UBTD1: variants seen among roughly 807,000 people sequenced by gnomAD.
The protein encoded by UBTD1 is ubiquitin domain-containing protein 1.
Under a neutral mutation model 21.7 loss-of-function variants are expected in UBTD1, and 19 were observed. The ratio of observed to expected loss-of-function variants is 0.87; its 90% CI spans 0.61 to 1.28. UBTD1 has a LOEUF of 1.28. Ranked by LOEUF, UBTD1 falls within the 50% of genes most tolerant of loss-of-function variation. UBTD1 has a pLI of 0.00. For synonymous variants in UBTD1, 116 were observed against 135.1 expected (o/e 0.86, Z 0.98); for missense variants, 282 against 315.1 (o/e 0.89, Z 0.80).
intron 1 of UBTD1, among the ~76,000 whole-genome samples, chr10:97,529,412 C>A (rs2040514821): frequency 6.6e-6 from 1 of 152,332 alleles, no homozygotes; most frequent in Non-Finnish European, 1.5e-5. Context: ...CCAAGGCAGG[C>A]GGCTGGGAGG....
chr10:97,545,401 TGTGTGTGTGGGTGTGG>T (rs2040605489), intron 1 of UBTD1, among the ~76,000 whole-genome samples: 1 of 85,354 alleles, frequency 1.2e-5, no homozygotes, highest in African/African-American at 4.1e-5. Context: ...TGTGTGTGTG[TGTGTGTGTGGGTGTGG>T]GTGTGTGTGT....
intron 1 of UBTD1, among the ~76,000 whole-genome samples, chr10:97,554,717 A>T (rs1342541820): frequency 1.3e-5 from 2 of 151,670 alleles, no homozygotes; most frequent in African/African-American, 4.8e-5. Context: ...CACCTGGCTA[A>T]TTTTTTTTAT....
At chr10:97,548,830 T>C (rs2040623210) in intron 1 of UBTD1, among the ~76,000 whole-genome samples, 1 of 152,214 alleles carries the variant, frequency 6.6e-6, no homozygotes, top group Non-Finnish European at 1.5e-5. Context: ...TTGGGGGCTC[T>C]GTTTGTAATT....
At chr10:97,529,922 C>T (rs575915457) in intron 1 of UBTD1, among the ~76,000 whole-genome samples, 2 of 152,274 alleles carry the variant, frequency 1.3e-5, no homozygotes, top group East Asian at 1.9e-4. Flanking sequence ...CTCTGTCTGG[C>T]GAGCCCAGCC....
intron 1 of UBTD1, among the ~76,000 whole-genome samples, chr10:97,530,893 T>A (rs1233432824): frequency 6.6e-6 from 1 of 151,804 alleles, no homozygotes; most frequent in African/African-American, 2.4e-5. Flanking sequence ...ATTTTTAAAT[T>A]TTTTACTTTT....
At chr10:97,519,336 G>A (rs1333919108) in intron 1 of UBTD1, among the ~76,000 whole-genome samples, 5 of 152,122 alleles carry the variant, frequency 3.3e-5, no homozygotes, top group Non-Finnish European at 5.9e-5. Context: ...AGAACTTCAC[G>A]ACATTATCCT....
intron 1 of UBTD1, among the ~76,000 whole-genome samples, chr10:97,554,339 T>G (rs1191375305): frequency 6.7e-6 from 1 of 148,960 alleles, no homozygotes; most frequent in African/African-American, 2.5e-5. Flanking sequence ...CCTCCGTCTC[T>G]GGGGTTCAAG....
intron 1 of UBTD1, among the ~76,000 whole-genome samples, chr10:97,559,015 G>A (rs556820768): frequency 2.6e-5 from 4 of 152,320 alleles, no homozygotes; most frequent in South Asian, 2.1e-4. Context: ...TCCGCTCGGG[G>A]ATGAACAAGG....
At chr10:97,566,295 T>G (rs2135689464) in intron 1 of UBTD1, among the ~76,000 whole-genome samples, 1 of 151,532 alleles carries the variant, frequency 6.6e-6, no homozygotes, top group Non-Finnish European at 1.5e-5. Context: ...TTAAAACTAT[T>G]ACCTTATTTA....
At chr10:97,566,364 C>A (rs1198321131) in intron 1 of UBTD1, among the ~76,000 whole-genome samples, 1 of 151,744 alleles carries the variant, frequency 6.6e-6, no homozygotes, top group African/African-American at 2.4e-5. Flanking sequence ...TTGTTTTCCT[C>A]CAAAGAGGGT....
intron 1 of UBTD1, among the ~76,000 whole-genome samples, chr10:97,528,119 C>CG (rs1464228062): frequency 8.2e-6 from 1 of 121,690 alleles, no homozygotes; most frequent in East Asian, 2.8e-4. Context: ...GCTGGCCGGG[C>CG]GGGGGGCTGA....
intron 1 of UBTD1, among the ~76,000 whole-genome samples, chr10:97,529,710 G>A (rs891165114): frequency 6.6e-6 from 1 of 152,036 alleles, no homozygotes; most frequent in Non-Finnish European, 1.5e-5. Context: ...GTCCAGCTTC[G>A]GCTCGGCATG....
At chr10:97,543,637 T>C (rs1033153015) in intron 1 of UBTD1, among the ~76,000 whole-genome samples, 2 of 152,178 alleles carry the variant, frequency 1.3e-5, no homozygotes, top group East Asian at 3.9e-4. Flanking sequence ...CAGGTCCTGA[T>C]GGAAATGGAC....
intron 1 of UBTD1, among the ~76,000 whole-genome samples, chr10:97,507,618 C>CA (rs904060424): frequency 2.0e-5 from 3 of 150,014 alleles, no homozygotes; most frequent in African/African-American, 4.9e-5. Context: ...ACTAAAAATA[C>CA]AAAAAAAATT....
At chr10:97,529,197 A>T (rs2040512698) in intron 1 of UBTD1, among the ~76,000 whole-genome samples, 2 of 149,860 alleles carry the variant, frequency 1.3e-5, no homozygotes, top group South Asian at 4.2e-4. Context: ...CTCACTTCCT[A>T]GATGGGATGG....
chr10:97,555,700 A>G (rs1316150820), intron 1 of UBTD1, among the ~76,000 whole-genome samples: 1 of 152,174 alleles, frequency 6.6e-6, no homozygotes, highest in East Asian at 1.9e-4. Context: ...AGAGAGAAAC[A>G]GAACAGGGCA....
chr10:97,498,995 G>A lies in UBTD1; in HGVS notation c.-209G>A. ...GGGCCCCCCTGGCCCGGCCACCTGG[G>A]ACCGTGCTGGGGAGTCTGCCACTTC... On this transcript the variant is annotated 5_prime_UTR_variant, in exon 1 of 3. Coordinates refer to ENST00000370664, the MANE Select transcript of UBTD1 (RefSeq NM_024954.5). 1.9e-6 allele frequency: 1 copy of A among 532,164 alleles called. No individual in the cohort carries two copies. The highest frequency in any genetic ancestry group is 3.2e-6 in the Non-Finnish European group (1 of 313,856). The allele number at this position is 532,164 out of a possible 1,614,324, so 33.0% of individuals were successfully genotyped here.
chr10:97,547,752 A>G (rs2040618042), intron 1 of UBTD1, among the ~76,000 whole-genome samples: 1 of 152,050 alleles, frequency 6.6e-6, no homozygotes, highest in Non-Finnish European at 1.5e-5. Context: ...TTTAGTGGAG[A>G]TGGGGTTTCA....
chr10:97,550,292 C>T (rs893186238), intron 1 of UBTD1, among the ~76,000 whole-genome samples: 10 of 152,144 alleles, frequency 6.6e-5, no homozygotes, highest in Non-Finnish European at 1.3e-4. Flanking sequence ...TGGGGATTGC[C>T]GCAGGTATAA....
Sources: allele counts gnomAD v4.1 joint callset (sites outside exome capture counted in the v4.1 genomes callset), GRCh38; gene constraint gnomAD v4.1.1; transcripts MANE v1.5; gene names NCBI Gene and HGNC (gene_info 2026-07-23, HGNC 2026-07-21).